PDCL2: variants seen among roughly 807,000 people sequenced by gnomAD.
PDCL2 encodes the protein phosducin like 2.
In PDCL2, 23 loss-of-function variants were observed where a neutral mutation model predicts 30.3. The ratio of observed to expected loss-of-function variants is 0.76; its 90% CI spans 0.55 to 1.08. The LOEUF (loss-of-function observed/expected upper bound fraction) is 1.08, where lower values mean the gene tolerates loss of function less well. Among genes scored for constraint, PDCL2 ranks in the 50% least tolerant of loss-of-function variants. The pLI is 0.00. For missense variants in PDCL2, 243 were observed against 282.3 expected (o/e 0.86, Z 1.00); for synonymous variants, 68 against 86.2 (o/e 0.79, Z 1.17).
At chr4:55,590,196 CA>C (rs1221085369) in intron 1 of PDCL2, among the ~76,000 whole-genome samples, 1,986 of 36,680 alleles carry the variant, frequency 0.054, 1 homozygote, top group Non-Finnish European at 0.072. Flanking sequence ...GGCTCTGTCT[CA>C]AAAAAAAAAA....
At chr4:55,586,783 C>A (rs1398911606) in intron 1 of PDCL2, among the ~76,000 whole-genome samples, 1 of 152,076 alleles carries the variant, frequency 6.6e-6, no homozygotes, top group African/African-American at 2.4e-5. Context: ...ACATTCCCAC[C>A]AGCAATGCAA....
chr4:55,579,542 C>T (rs955648749), intron 3 of PDCL2, among the ~76,000 whole-genome samples: 4 of 152,092 alleles, frequency 2.6e-5, no homozygotes, highest in Non-Finnish European at 4.4e-5. Flanking sequence ...GTTTCAAACT[C>T]CTGACCTCAG....
intron 1 of PDCL2, among the ~76,000 whole-genome samples, chr4:55,589,969 G>A (rs1732956303): frequency 6.6e-6 from 1 of 151,956 alleles, no homozygotes; most frequent in African/African-American, 2.4e-5. Flanking sequence ...GGCCAAAGCA[G>A]GCAGATCTTT....
intron 5 of PDCL2, among the ~76,000 whole-genome samples, chr4:55,562,161 G>GGGT (rs1487790737): frequency 1.3e-5 from 2 of 152,232 alleles, no homozygotes; most frequent in Non-Finnish European, 2.9e-5. Context: ...TTGGAGAGGT[G>GGGT]GGTGGAGATT....
chr4:55,588,465 C>A (rs1577920995), intron 1 of PDCL2, among the ~76,000 whole-genome samples: 1 of 151,774 alleles, frequency 6.6e-6, no homozygotes, highest in African/African-American at 2.4e-5. Context: ...TGAAGTTGTC[C>A]TGCCTTACTA....
chr4:55,570,863 T>C (rs6554290), intron 3 of PDCL2, among the ~76,000 whole-genome samples: 114,962 of 152,168 alleles, frequency 0.76, 43,808 homozygotes, highest in East Asian at 0.9. Context: ...TATTTACTCC[T>C]TTTCTTTCTC....
intron 3 of PDCL2, among the ~76,000 whole-genome samples, chr4:55,571,788 A>G (rs1376875587): frequency 1.3e-5 from 2 of 151,160 alleles, no homozygotes; most frequent in African/African-American, 4.9e-5. Context: ...TCAAACCCAG[A>G]GGAGAATGCC....
At position 55,592,095 on chromosome 4, in the gene PDCL2, G is replaced by T. The variant is rs781315499; in HGVS notation, c.6+9C>A. ...GTTCCAGGGTGGCTCGGCAGGTCCC[G>T]ACCCTCACCTGCATGATGCGCTGCT... On this transcript the variant is annotated intron_variant, in intron 1 of 5. Transcript: ENST00000295645. 3 of 1,607,906 alleles carry T rather than the reference G, an allele frequency of 1.9e-6. No homozygotes were observed. Among genetic ancestry groups the T allele is most frequent in the Non-Finnish European group, 2.5e-6 (3 of 1,177,920 alleles).
chr4:55,572,910 C>T (rs1732464563), intron 3 of PDCL2, among the ~76,000 whole-genome samples: 1 of 152,096 alleles, frequency 6.6e-6, no homozygotes, highest in African/African-American at 2.4e-5. Flanking sequence ...CAGGCGCCCG[C>T]CATCACAACA....
chr4:55,573,358 C>T (rs1732479072), intron 3 of PDCL2, among the ~76,000 whole-genome samples: 1 of 152,166 alleles, frequency 6.6e-6, no homozygotes, highest in South Asian at 2.1e-4. Flanking sequence ...TAATTATCTA[C>T]ACAATAACAT....
At chr4:55,576,060 T>C (rs139925892) in intron 3 of PDCL2, among the ~76,000 whole-genome samples, 258 of 152,034 alleles carry the variant, frequency 1.7e-3, no homozygotes, top group African/African-American at 6.0e-3. Flanking sequence ...GGCTTTTACA[T>C]AGGAAAATGT....
intron 1 of PDCL2, among the ~76,000 whole-genome samples, chr4:55,584,234 GT>G (rs112718898): frequency 4.2e-4 from 61 of 144,652 alleles, no homozygotes; most frequent in Admixed American, 7.8e-4. Context: ...AATGTTACTA[GT>G]TTTTTTTTGT....
At chr4:55,583,556 A>T (rs1685739497) in intron 1 of PDCL2, among the ~76,000 whole-genome samples, 1 of 152,098 alleles carries the variant, frequency 6.6e-6, no homozygotes, top group Non-Finnish European at 1.5e-5. Context: ...TTCAGGTCTT[A>T]TATTTAAGTC....
intron 1 of PDCL2, among the ~76,000 whole-genome samples, chr4:55,585,946 G>A (rs1045964880): frequency 2.0e-5 from 3 of 151,904 alleles, no homozygotes; most frequent in African/African-American, 4.8e-5. Flanking sequence ...TATAGCTAAG[G>A]TTTTGTTGAT....
At chr4:55,563,686 G>GTCT (rs1732191425) in intron 4 of PDCL2, among the ~76,000 whole-genome samples, 1 of 152,140 alleles carries the variant, frequency 6.6e-6, no homozygotes, top group Non-Finnish European at 1.5e-5. Context: ...CTCCAATGGG[G>GTCT]GACAGAAGCT....
At chr4:55,586,583 G>C (rs543131973) in intron 1 of PDCL2, among the ~76,000 whole-genome samples, 1 of 152,194 alleles carries the variant, frequency 6.6e-6, no homozygotes, top group East Asian at 1.9e-4. Context: ...TCCATCAATG[G>C]ACATTTGGGT....
At position 55,580,836 on chromosome 4, in the gene PDCL2, G is replaced by A. The variant is rs1732689181; in HGVS notation, c.203C>T (p.Ala68Val). The change falls in exon 3 of 6, where the codon GCT becomes GTT. Residue 68 changes from alanine (A) to valine (V), a missense_variant. Physicochemically the swap from Ala to Val is moderately conservative, Grantham distance 64 (BLOSUM62 0). Coordinates refer to ENST00000295645, the MANE Select transcript of PDCL2 (RefSeq NM_152401.3). ...ATCACTGTACCTATATGTTTCAACA[G>A]CCTGCATATCTTCTTCATCAAATTC... ...EDEFDEEDMQAVETYRKKRLQ... is the reference protein window; with the variant it reads ...EDEFDEEDMQVVETYRKKRLQ... The A allele has an allele frequency of 6.2e-7, 1 of 1,606,862 alleles. No homozygotes were observed. The highest frequency in any genetic ancestry group is 2.2e-5 in the East Asian group (1 of 44,500).
At chr4:55,573,612 G>A (rs1314946005) in intron 3 of PDCL2, among the ~76,000 whole-genome samples, 4 of 152,062 alleles carry the variant, frequency 2.6e-5, no homozygotes, top group South Asian at 4.2e-4. Context: ...TTAGCCGGGC[G>A]TGGTAGCATG....
Position 55,592,165 on chromosome 4 carries a change from A to G in PDCL2, c.-56T>C, listed in dbSNP as rs111330552. The G allele has an allele frequency of 2.5e-6, 4 of 1,595,926 alleles. No homozygotes were observed. The highest frequency in any genetic ancestry group is 2.3e-5 in the South Asian group (2 of 87,384). On this transcript the variant is annotated 5_prime_UTR_variant, in exon 1 of 6. Transcript: ENST00000295645. ...GTCGTCCTGCAGCTGGCGAGGCGCC[A>G]CGGATGGAGACCCGCAGCCTTCTCC...
Sources: gnomAD v4.1 joint callset for allele counts (sites outside exome capture counted in the v4.1 genomes callset) on GRCh38, gnomAD v4.1.1 for gene constraint, MANE v1.5 for transcripts, NCBI Gene and HGNC (gene_info 2026-07-23, HGNC 2026-07-21) for gene names.